Variants in SLC7A2 observed in about 807,000 individuals in gnomAD.
SLC7A2 encodes solute carrier family 7 member 2.
A neutral mutation model predicts 58.9 loss-of-function variants in SLC7A2; 48 were observed. That is an observed-to-expected ratio of 0.82 (90% CI 0.65 to 1.04). The LOEUF (loss-of-function observed/expected upper bound fraction) is 1.04. Among genes scored for constraint, SLC7A2 ranks in the 50% least tolerant of loss-of-function variants. The pLI is 0.00. For synonymous variants in SLC7A2, 363 were observed against 314.5 expected, an observed-to-expected ratio of 1.15 and a Z score of -1.63; for missense variants, 1,029 against 818.8, an observed-to-expected ratio of 1.26 and a Z score of -3.13.
chr8:17,523,015 A>G (rs1013776806), intron 2 of SLC7A2, among the ~76,000 whole-genome samples: 1 of 152,166 alleles, frequency 6.6e-6, no homozygotes, highest in African/African-American at 2.4e-5. Context: ...AGCCAGGGTG[A>G]CAGAGGGAGA....
At chr8:17,561,188 G>C (rs1044237981) in intron 10 of SLC7A2, among the ~76,000 whole-genome samples, 1 of 152,146 alleles carries the variant, frequency 6.6e-6, no homozygotes, top group Non-Finnish European at 1.5e-5. Context: ...TTGCACATTA[G>C]CAGTCTGTAT....
At chr8:17,502,784 C>T (rs1800216052) in intron 2 of SLC7A2, among the ~76,000 whole-genome samples, 1 of 152,076 alleles carries the variant, frequency 6.6e-6, no homozygotes, top group African/African-American at 2.4e-5. Context: ...TTCAATGGAC[C>T]TCAGGTGCTC....
chr8:17,521,302 C>CA (rs1459825443), intron 2 of SLC7A2, among the ~76,000 whole-genome samples: 5 of 152,270 alleles, frequency 3.3e-5, no homozygotes, highest in East Asian at 3.9e-4. Context: ...TCCCCACAGA[C>CA]AAAAAACCTC....
chr8:17,537,144 C>G (rs1279739670), intron 2 of SLC7A2, among the ~76,000 whole-genome samples: 2 of 152,202 alleles, frequency 1.3e-5, no homozygotes, highest in African/African-American at 4.8e-5. Context: ...GCAACCTCTG[C>G]CTCCTGAGTT....
intron 2 of SLC7A2, among the ~76,000 whole-genome samples, chr8:17,509,113 C>G (rs1557597): frequency 6.6e-6 from 1 of 151,918 alleles, no homozygotes; most frequent in African/African-American, 2.4e-5. Flanking sequence ...ATTGAAAGTT[C>G]GAGTCATCTG....
rs538493348 is a variant in SLC7A2 at position 17,544,573 on chromosome 8, T to G, written c.499T>G (p.Phe167Val). 6.8e-6 allele frequency: 11 copies of G among 1,614,098 alleles called. No individual in the cohort carries two copies. Among genetic ancestry groups the G allele is most frequent in the South Asian group, 1.1e-5 (1 of 91,062 alleles). Reference sequence around the variant, plus strand: ...CACTGGTCTTGCAGAATATCCCGATTTTTTTGCTGTGTGCCTTATATTACT... The same window carrying G: ...CACTGGTCTTGCAGAATATCCCGATGTTTTTGCTGTGTGCCTTATATTACT... ...NYTGLAEYPD[F>V]FAVCLILLLA... Residue 167 changes from phenylalanine to valine, a missense_variant, in exon 4 of 13, where the codon TTT becomes GTT. By Grantham distance (50) the Phe-to-Val change is conservative. Coordinates refer to ENST00000494857, the MANE Select transcript of SLC7A2 (RefSeq NM_001370338.1).
rs139992179 is a variant in SLC7A2, at chr8:17,514,151, C to A, written c.-23+11849C>A. 9.2e-5 allele frequency among the ~76,000 whole-genome samples: 14 copies of A among 152,178 alleles called. No homozygotes were observed. The East Asian group carries it at 2.7e-3, about 29-fold the overall frequency. On this transcript the variant is annotated intron_variant, in intron 2 of 12. Transcript: ENST00000494857. ...TCCTTGACCCCACAGAGTCTCTCAG[C>A]AATTTCATCCCAATTCCCTGGATCC...
At chr8:17,556,154 C>G (rs1189866601) in intron 8 of SLC7A2, among the ~76,000 whole-genome samples, 1 of 151,996 alleles carries the variant, frequency 6.6e-6, no homozygotes, top group African/African-American at 2.4e-5. Flanking sequence ...AGATTTCTGC[C>G]CCCCTAAAAT....
chr8:17,527,936 T>G (rs1801283714), intron 2 of SLC7A2, among the ~76,000 whole-genome samples: 1 of 152,202 alleles, frequency 6.6e-6, no homozygotes, highest in Non-Finnish European at 1.5e-5. Flanking sequence ...TTAGGATTTT[T>G]TTATGTGACA....
chr8:17,511,084 A>C (rs1007666275), intron 2 of SLC7A2: 3 of 150,182 alleles, frequency 2.0e-5, no homozygotes, highest in African/African-American at 7.6e-5. Context: ...GGAATAACAC[A>C]CACTGGGGCC....
chr8:17,538,383 T>C (rs1003930738), intron 2 of SLC7A2, among the ~76,000 whole-genome samples: 2 of 152,216 alleles, frequency 1.3e-5, no homozygotes, highest in Admixed American at 6.5e-5. Context: ...GAAGTGAATA[T>C]GGAAGAGTGT....
At position 17,568,345 on chromosome 8, in the gene SLC7A2, C is replaced by T. The variant is rs1490078881; in HGVS notation, c.*3199C>T. On this transcript the variant is annotated 3_prime_UTR_variant, in exon 13 of 13. Coordinates refer to ENST00000494857, the MANE Select transcript of SLC7A2 (RefSeq NM_001370338.1). ...ACTCTGTTAAAAACTATGAGGAAAA[C>T]TTATATTAGAACTTTTGATATATAC... is the stretch of plus-strand genomic sequence containing the variant. 1 of 151,966 alleles carries T rather than the reference C, an allele frequency of 6.6e-6. No individual in the cohort carries two copies. The highest frequency in any genetic ancestry group is 2.4e-5 in the African/African-American group (1 of 41,364). 9.4% of individuals were successfully genotyped at this position (151,966 alleles called of 1,614,324 possible). A position where few individuals can be genotyped will look rare whatever the true frequency, so the allele number is the denominator to read the frequency against.
intron 2 of SLC7A2, among the ~76,000 whole-genome samples, chr8:17,542,299 C>G (rs921027977): frequency 1.3e-5 from 2 of 152,164 alleles, no homozygotes; most frequent in African/African-American, 4.8e-5. Flanking sequence ...GAGACCCCAT[C>G]TATGTAAGAG....
chr8:17,562,178 GTATTTTTTTTT>G, intron 11 of SLC7A2, 68 bp downstream of exon 11: 1 of 478,210 alleles, frequency 2.1e-6, no homozygotes. Context: ...AGTTTGGTAA[GTATTTTTTTTT>G]TTTTTTTTTT....
chr8:17,528,274 A>T (rs532106555), intron 2 of SLC7A2, among the ~76,000 whole-genome samples: 37 of 152,278 alleles, frequency 2.4e-4, no homozygotes, highest in Non-Finnish European at 4.0e-4. Flanking sequence ...GGACTATTAT[A>T]AGCTAATTAG....
intron 1 of SLC7A2, chr8:17,500,032 C>G (rs1800091182): frequency 6.6e-6 from 1 of 152,148 alleles, no homozygotes; most frequent in African/African-American, 2.4e-5. Context: ...TCATTGAAAA[C>G]TTACTTTCTA....
chr8:17,540,798 T>A (rs1801878041), intron 2 of SLC7A2, among the ~76,000 whole-genome samples: 1 of 152,172 alleles, frequency 6.6e-6, no homozygotes, highest in Non-Finnish European at 1.5e-5. Context: ...ATAATCACAG[T>A]ACCAGGAAAA....
chr8:17,495,297 T>C (rs1799930505), upstream of SLC7A2, among the ~76,000 whole-genome samples: 2 of 152,072 alleles, frequency 1.3e-5, no homozygotes, highest in Non-Finnish European at 2.9e-5. Context: ...TACTCACCCT[T>C]AAAAATTAGA....
intron 2 of SLC7A2, among the ~76,000 whole-genome samples, chr8:17,506,842 TA>T (rs1486757563): frequency 6.6e-6 from 1 of 152,018 alleles, no homozygotes; most frequent in Non-Finnish European, 1.5e-5. Flanking sequence ...GTTAGACAGC[TA>T]GGGGTAGAGT....
Sources: allele counts gnomAD v4.1 joint callset (sites outside exome capture counted in the v4.1 genomes callset), GRCh38; gene constraint gnomAD v4.1.1; transcripts MANE v1.5; gene names NCBI Gene and HGNC (gene_info 2026-07-23, HGNC 2026-07-21).